C3orf20: variants seen among roughly 807,000 people sequenced by gnomAD.
C3orf20 encodes the protein uncharacterized protein C3orf20.
In C3orf20, 76 loss-of-function variants were observed where a neutral mutation model predicts 88.3. The observed-to-expected ratio is 0.86, with a 90% confidence interval of 0.72 to 1.04. The LOEUF (loss-of-function observed/expected upper bound fraction) is 1.04. Among genes scored for constraint, C3orf20 ranks in the 50% least tolerant of loss-of-function variants. The pLI is 0.00. For missense variants in C3orf20, 1,056 were observed against 1,123.3 expected (o/e 0.94, Z 0.86); for synonymous variants, 436 against 437.4 (o/e 1.00, Z 0.04).
chr3:14,756,077 T>G (rs57102977), intron 12 of C3orf20, among the ~76,000 whole-genome samples: 4,256 of 150,300 alleles, frequency 0.028, 98 homozygotes, highest in East Asian at 0.13. Flanking sequence ...AGAGTTTCTG[T>G]CCTGCCTGTT....
intron 1 of C3orf20, among the ~76,000 whole-genome samples, chr3:14,675,569 ATCTATAT>A: frequency 6.6e-6 from 1 of 152,216 alleles, no homozygotes; most frequent in Non-Finnish European, 1.5e-5. Flanking sequence ...CCCAGGCTGC[ATCTATAT>A]AGTCACTCAT....
intron 1 of C3orf20, among the ~76,000 whole-genome samples, chr3:14,679,871 A>G (rs960302028): frequency 2.0e-5 from 3 of 152,204 alleles, no homozygotes; most frequent in Admixed American, 2.0e-4. Flanking sequence ...CTGAATACAC[A>G]TTTCTCAAAA....
At chr3:14,761,096 T>C (rs1164939409) in intron 14 of C3orf20, among the ~76,000 whole-genome samples, 1 of 152,024 alleles carries the variant, frequency 6.6e-6, no homozygotes, top group Non-Finnish European at 1.5e-5. Flanking sequence ...GGAGAACACA[T>C]TTCTGGCCCC....
intron 15 of C3orf20, among the ~76,000 whole-genome samples, chr3:14,762,641 G>A (rs2035594664): frequency 6.6e-6 from 1 of 152,210 alleles, no homozygotes; most frequent in Admixed American, 6.5e-5. Context: ...AGGATCTCAT[G>A]AAAGTGTGTT....
intron 9 of C3orf20, among the ~76,000 whole-genome samples, chr3:14,720,026 G>T (rs1332562231): frequency 1.5e-5 from 2 of 136,450 alleles, no homozygotes; most frequent in Admixed American, 1.5e-4. Flanking sequence ...GTTTTGTTTT[G>T]TTTTTTGTTT....
chr3:14,756,120 T>C (rs2035363801), intron 12 of C3orf20, among the ~76,000 whole-genome samples: 1 of 150,388 alleles, frequency 6.6e-6, no homozygotes, highest in Non-Finnish European at 1.5e-5. Flanking sequence ...ACCAAGACAA[T>C]GTCTATTCCA....
intron 15 of C3orf20, among the ~76,000 whole-genome samples, chr3:14,761,958 G>GT (rs200818399): frequency 0.011 from 1,680 of 152,298 alleles, 43 homozygotes; most frequent in African/African-American, 0.038. Flanking sequence ...CCCTGTTTCT[G>GT]TTGGAATATT....
intron 15 of C3orf20, among the ~76,000 whole-genome samples, chr3:14,770,953 G>A (rs6442476): frequency 0.6 from 91,943 of 152,112 alleles, 29,846 homozygotes; most frequent in African/African-American, 0.86. Context: ...GTGTGGCACA[G>A]AGGTAAGGAA....
At chr3:14,678,464 T>C (rs981021942) in intron 1 of C3orf20, among the ~76,000 whole-genome samples, 1 of 152,244 alleles carries the variant, frequency 6.6e-6, no homozygotes, top group African/African-American at 2.4e-5. Flanking sequence ...GCCTTCTGTG[T>C]GTGTGTCTCC....
Position 14,772,063 on chromosome 3 carries a change from G to T in C3orf20, c.2496-4G>T. 6.2e-7 allele frequency: 1 copy of T among 1,614,174 alleles called. No homozygotes were observed. Among genetic ancestry groups the T allele is most frequent in the Non-Finnish European group, 8.5e-7 (1 of 1,180,022 alleles). On this transcript the variant is annotated splice_polypyrimidine_tract_variant and splice_region_variant and intron_variant, in intron 15 of 16. Coordinates refer to ENST00000253697, the MANE Select transcript of C3orf20 (RefSeq NM_032137.5). This position sits in a 1 kb window ranked among gnomAD's most constrained non-coding sequence, Gnocchi z 4.2. ...CACTGCCCCCGACCCTGCCTCCCCT[G>T]CAGTGTTCCCAACTCTGTCCTGAGC...
At chr3:14,745,283 G>A (rs1056658147) in intron 12 of C3orf20, among the ~76,000 whole-genome samples, 1 of 152,146 alleles carries the variant, frequency 6.6e-6, no homozygotes, top group Admixed American at 6.5e-5. Flanking sequence ...AGGGAACTAG[G>A]GAGGTGGCTC....
rs1256249679 is a variant in C3orf20, at chr3:14,683,098, A to G, written c.385A>G (p.Thr129Ala). ...TCCCACCATGGCCCGTCAGGTGCGC[A>G]CCCACCAGGAGACCCTGAACAGGTT... Reference protein sequence around the residue: ...LSPTMARQVRTHQETLNRFQQ... With the variant: ...LSPTMARQVRAHQETLNRFQQ... The change falls in exon 3 of 17, where the codon ACC becomes GCC. Residue 129 changes from threonine to alanine, a missense_variant. Physicochemically the swap from Thr to Ala is moderately conservative, Grantham distance 58. Transcript: ENST00000253697. 6 of 1,613,892 alleles carry G rather than the reference A, an allele frequency of 3.7e-6. No homozygotes were observed. The South Asian group carries it at 4.4e-5, about 12-fold the overall frequency.
chr3:14,712,243 A>G (rs930832322), intron 7 of C3orf20, among the ~76,000 whole-genome samples: 2 of 152,098 alleles, frequency 1.3e-5, no homozygotes, highest in African/African-American at 4.8e-5. Flanking sequence ...TGACTGAGGC[A>G]GAGATTGAAA....
At chr3:14,769,222 C>T (rs922498567) in intron 15 of C3orf20, among the ~76,000 whole-genome samples, 1 of 151,938 alleles carries the variant, frequency 6.6e-6, no homozygotes, top group African/African-American at 2.4e-5. Context: ...TCTGCTAGAG[C>T]TCAGAGGGCT....
In C3orf20 at chr3:14,686,193, C is replaced by CGTGTGTGTGTGTGTGTGTGTGTGTGT. The variant is rs58844982; in HGVS notation, c.625+1830_625+1831insTGTGTGTGTGTGTGTGTGTGTGTGTG. 2.6e-3 allele frequency among the ~76,000 whole-genome samples: 383 copies of CGTGTGTGTGTGTGTGTGTGTGTGTGT among 149,574 alleles called. 2 individuals carry two copies. Among genetic ancestry groups the CGTGTGTGTGTGTGTGTGTGTGTGTGT allele is most frequent in the African/African-American group, 8.6e-3 (348 of 40,466 alleles). ...CCTTTTTTAATAGCTGAATCATATTCGTGTGTGTGTGTGTGTGTGACATTT... is the reference window on the plus strand; with the variant it reads ...CCTTTTTTAATAGCTGAATCATATTCGTGTGTGTGTGTGTGTGTGTGTGTGTGTGTGTGTGTGTGTGTGTGACATTT... On this transcript the variant is annotated intron_variant, in intron 4 of 16. Coordinates refer to ENST00000253697, the MANE Select transcript of C3orf20 (RefSeq NM_032137.5).
At chr3:14,739,491 A>C (rs1198900461) in intron 12 of C3orf20, among the ~76,000 whole-genome samples, 1 of 152,236 alleles carries the variant, frequency 6.6e-6, no homozygotes, top group Non-Finnish European at 1.5e-5. Context: ...GAGTAGATTT[A>C]GCATCATTCT....
At chr3:14,764,619 TAC>T (rs2035652580) in intron 15 of C3orf20, among the ~76,000 whole-genome samples, 1 of 152,036 alleles carries the variant, frequency 6.6e-6, no homozygotes, top group South Asian at 2.1e-4. Flanking sequence ...GTCATACAGT[TAC>T]AGTCAGAAGT....
At chr3:14,759,834 TCCAGGTA>T in intron 13 of C3orf20, 50 bp from the exon 14 acceptor site, 3 of 1,437,044 alleles carry the variant, frequency 2.1e-6, no homozygotes, top group Admixed American at 1.7e-5. Context: ...AATATGGCAA[TCCAGGTA>T]CATCTTATTG....
chr3:14,719,968 C>T (rs2124971505), intron 9 of C3orf20, among the ~76,000 whole-genome samples: 1 of 152,286 alleles, frequency 6.6e-6, no homozygotes, highest in South Asian at 2.1e-4. Flanking sequence ...CTACATCTCT[C>T]TAGAAGGAGG....
Sources: gnomAD v4.1 joint callset for allele counts (sites outside exome capture counted in the v4.1 genomes callset) on GRCh38, gnomAD v4.1.1 for gene constraint, Gnocchi (gnomAD v3.1) non-coding constraint, MANE v1.5 for transcripts, NCBI Gene and HGNC (gene_info 2026-07-23, HGNC 2026-07-21) for gene names.